LARGE1: variants seen among roughly 807,000 people sequenced by gnomAD.
LARGE1 encodes xylosyl- and glucuronyltransferase LARGE1.
A neutral mutation model predicts 87.6 loss-of-function variants in LARGE1; 43 were observed. The ratio of observed to expected loss-of-function variants is 0.49; its 90% CI spans 0.38 to 0.63. LARGE1 has a LOEUF of 0.63. Among genes scored for constraint, LARGE1 ranks in the 30% least tolerant of loss-of-function variants. The pLI, the probability that LARGE1 is intolerant of heterozygous loss-of-function variation, is 0.00. For synonymous variants in LARGE1, 434 were observed against 394.6 expected (o/e 1.10, Z -1.18); for missense variants, 802 against 1,000.2 (o/e 0.80, Z 2.67).
chr22:33,520,401 C>G (rs544925842), intron 6 of LARGE1, among the ~76,000 whole-genome samples: 34 of 152,260 alleles, frequency 2.2e-4, no homozygotes, highest in African/African-American at 7.0e-4. Flanking sequence ...CCATCCTGTA[C>G]CTGAGATTCA....
rs954760016 is a variant in LARGE1 at position 33,274,371 on chromosome 22, C to T, written c.*56G>A. ...TTGAATTTGAAGGCCGGGCCCCAAA[C>T]AGCGAGTGGCACTTCCCCTACAGCA... On this transcript the variant is annotated 3_prime_UTR_variant, in exon 15 of 15. Transcript: ENST00000397394. The T allele has an allele frequency of 4.5e-5, 71 of 1,565,142 alleles. No homozygotes were observed. Among genetic ancestry groups the T allele is most frequent in the Middle Eastern group, 1.7e-4 (1 of 5,882 alleles).
intron 7 of LARGE1, among the ~76,000 whole-genome samples, chr22:33,384,639 T>C (rs2065264828): frequency 6.7e-6 from 1 of 148,702 alleles, no homozygotes. Flanking sequence ...GAGTAAGTGA[T>C]GAGGGCAGGG....
intron 7 of LARGE1, among the ~76,000 whole-genome samples, chr22:33,430,530 G>A (rs1345341956): frequency 6.6e-6 from 1 of 152,142 alleles, no homozygotes; most frequent in Non-Finnish European, 1.5e-5. Flanking sequence ...AGTCTGTGAA[G>A]GGCTGGTGGT....
chr22:33,411,368 C>T lies in LARGE1; in HGVS notation c.892+20793G>A, dbSNP rs528908288. Among the ~76,000 whole-genome samples, 4 of 152,320 alleles carry T rather than the reference C, an allele frequency of 2.6e-5. No individual in the cohort carries two copies. In the East Asian group the frequency reaches 7.7e-4, roughly 29 times the overall value. On this transcript the variant is annotated intron_variant, in intron 7 of 14. Transcript: ENST00000397394. ...GACCTTTTAGTCAGAGATCATCTGC[C>T]TAAATTGAAAAAGCTCAAGTTGGGT...
At chr22:33,376,819 A>G (rs2065009754) in intron 9 of LARGE1, among the ~76,000 whole-genome samples, 2 of 152,214 alleles carry the variant, frequency 1.3e-5, no homozygotes, top group South Asian at 4.1e-4. Context: ...CTAACCCAGC[A>G]CTTTGAGATG....
chr22:33,473,723 C>T (rs902426082), intron 6 of LARGE1, among the ~76,000 whole-genome samples: 2 of 152,104 alleles, frequency 1.3e-5, no homozygotes, highest in African/African-American at 2.4e-5. Context: ...GGATTACAGG[C>T]GTCAGCCACC....
At chr22:33,233,903 G>T (rs527600062) in intron 11 of LARGE1, among the ~76,000 whole-genome samples, 9 of 152,278 alleles carry the variant, frequency 5.9e-5, no homozygotes, top group African/African-American at 1.7e-4. Context: ...TCAGATTGGC[G>T]TGCCTGTGTT....
intron 2 of LARGE1, among the ~76,000 whole-genome samples, chr22:33,721,234 A>C (rs745588318): frequency 6.6e-6 from 1 of 152,208 alleles, no homozygotes; most frequent in Admixed American, 6.5e-5. Context: ...TGCTAGTTCT[A>C]CCCTGAAATC....
chr22:33,261,095 T>A (rs1392621641), intron 11 of LARGE1, among the ~76,000 whole-genome samples: 1 of 152,180 alleles, frequency 6.6e-6, no homozygotes, highest in African/African-American at 2.4e-5. Context: ...TCATTCAGCA[T>A]GCGTGTACCA....
chr22:33,713,919 G>A (rs562978386), intron 2 of LARGE1, among the ~76,000 whole-genome samples: 31 of 152,140 alleles, frequency 2.0e-4, no homozygotes, highest in African/African-American at 5.8e-4. Flanking sequence ...TGGTGCTGCT[G>A]CACTCCAGCC....
chr22:33,612,206 C>T (rs2079452468), intron 4 of LARGE1, among the ~76,000 whole-genome samples: 1 of 151,912 alleles, frequency 6.6e-6, no homozygotes, highest in Non-Finnish European at 1.5e-5. Context: ...CGGGTTCAAG[C>T]TATTCTCCTG....
chr22:33,698,799 G>A (rs963814103), intron 2 of LARGE1, among the ~76,000 whole-genome samples: 2 of 152,196 alleles, frequency 1.3e-5, no homozygotes, highest in African/African-American at 2.4e-5. Context: ...TGGATGGAAC[G>A]TGCATCCTCT....
intron 1 of LARGE1, among the ~76,000 whole-genome samples, chr22:33,837,083 T>G (rs1428139348): frequency 1.3e-5 from 2 of 152,088 alleles, no homozygotes; most frequent in Non-Finnish European, 2.9e-5. Context: ...TCCAGCTAAC[T>G]CTATAAGATC....
At chr22:33,545,318 G>A (rs2077329846) in intron 6 of LARGE1, among the ~76,000 whole-genome samples, 1 of 150,284 alleles carries the variant, frequency 6.7e-6, no homozygotes, top group Non-Finnish European at 1.5e-5. Flanking sequence ...CTAGGCTGGA[G>A]GGCAGTGGTA....
chr22:33,294,890 A>G (rs1347292050), intron 12 of LARGE1, among the ~76,000 whole-genome samples: 1 of 152,228 alleles, frequency 6.6e-6, no homozygotes, highest in Non-Finnish European at 1.5e-5. Context: ...CTCTTTGGAA[A>G]TGACAAAGAC....
intron 6 of LARGE1, among the ~76,000 whole-genome samples, chr22:33,487,704 C>G (rs561318101): frequency 2.6e-5 from 4 of 152,114 alleles, no homozygotes; most frequent in Non-Finnish European, 5.9e-5. Flanking sequence ...TCACTGAAAT[C>G]TAGAAAATAA....
intron 11 of LARGE1, among the ~76,000 whole-genome samples, chr22:33,241,574 G>A (rs1002585579): frequency 1.5e-3 from 222 of 146,344 alleles, no homozygotes; most frequent in African/African-American, 5.8e-3. Flanking sequence ...GTGTATATAT[G>A]TGTGTATATG....
rs764722483 is a variant in LARGE1, at chr22:33,316,156, G to A, written c.1380C>T (p.Phe460=). Residue 460 remains phenylalanine, a synonymous_variant, in exon 11 of 15, where the codon TTC becomes TTT. Coordinates refer to ENST00000397394, the MANE Select transcript of LARGE1 (RefSeq NM_133642.5). ...CTGCAGGCTCATACTCGTAGTGCAG[G>A]AAGTACAGGTGGGTGCGGTGGACAG... ...RFTVHRTHLY[F]LHYEYEPAAD... is the part of the protein sequence containing the mutation. 3.5e-5 allele frequency: 57 copies of A among 1,614,032 alleles called. 4 individuals are homozygous for A. The South Asian group carries it at 6.1e-4, about 17-fold the overall frequency.
intron 2 of LARGE1, among the ~76,000 whole-genome samples, chr22:33,671,459 T>C (rs2081410199): frequency 6.6e-6 from 1 of 152,262 alleles, no homozygotes; most frequent in African/African-American, 2.4e-5. Flanking sequence ...GTGTGTTTCA[T>C]ACTCTACAAT....
Sources: allele counts gnomAD v4.1 joint callset (sites outside exome capture counted in the v4.1 genomes callset), GRCh38; gene constraint gnomAD v4.1.1; transcripts MANE v1.5; gene names NCBI Gene and HGNC (gene_info 2026-07-23, HGNC 2026-07-21).